The following CFAP46 variants were observed in gnomAD, a reference collection of about 807,000 sequenced individuals.
CFAP46 encodes cilia and flagella associated protein 46.
In CFAP46, 245 loss-of-function variants were observed where a neutral mutation model predicts 325.7. The ratio of observed to expected loss-of-function variants is 0.75; its 90% confidence interval spans 0.68 to 0.84. The LOEUF (loss-of-function observed/expected upper bound fraction) is 0.84, where lower values mean the gene tolerates loss of function less well. CFAP46 is among the 40% of genes least tolerant of loss of function. CFAP46 has a pLI of 0.00. For missense variants in CFAP46, 3,346 were observed against 3,543.0 expected (o/e 0.94, Z 1.41); for synonymous variants, 1,523 against 1,495.9 (o/e 1.02, Z -0.42).
At chr10:132,898,795 G>T in intron 24 of CFAP46, 164 bp downstream of exon 24, 2 of 922,998 alleles carry the variant, frequency 2.2e-6, no homozygotes, top group Non-Finnish European at 3.4e-6. Context: ...GCAGTGCTGG[G>T]ACTTGGAGAC....
intron 50 of CFAP46, among the ~76,000 whole-genome samples, chr10:132,831,497 C>T: frequency 6.6e-6 from 1 of 152,194 alleles, no homozygotes; most frequent in Non-Finnish European, 1.5e-5. Context: ...GAATGGCCCA[C>T]TGTAGCCCTG....
chr10:132,848,253 A>AT (rs1848474255), intron 41 of CFAP46, among the ~76,000 whole-genome samples: 1 of 152,192 alleles, frequency 6.6e-6, no homozygotes, highest in South Asian at 2.1e-4. Flanking sequence ...CAAACAAGAA[A>AT]TTGCAATGGA....
rs796822206 is a variant in CFAP46, at chr10:132,867,353, G to A, written c.4743+22C>T. ...GCGCCCGCTGGGCTGCGGGTCAGAG[G>A]GATTCTGGACGGTGAGGTTACCTTG... On this transcript the variant is annotated intron_variant, in intron 34 of 57. Transcript: ENST00000368586. 9 of 1,542,834 alleles carry A rather than the reference G, an allele frequency of 5.8e-6. No homozygotes were observed. The African/African-American group carries it at 9.6e-5, about 17-fold the overall frequency.
chr10:132,860,903 T>C lies in CFAP46; in HGVS notation c.4970A>G (p.Gln1657Arg). The stretch of plus-strand genomic sequence containing the variant: ...GGCCTGTGCGATCATTTTCTTGGCT[T>C]GTCCATAGTTTTTCTCCTTGTTGGC... Reference protein sequence around the residue: ...QLANKEKNYGQAKKMIAQAQH... With the variant: ...QLANKEKNYGRAKKMIAQAQH... The change falls in exon 36 of 58, where the codon CAA (glutamine) becomes CGA (arginine). Residue 1657 changes from glutamine (Q) to arginine (R), a missense_variant. Physicochemically the swap from Gln to Arg is conservative, Grantham distance 43. Coordinates refer to ENST00000368586, the MANE Select transcript of CFAP46 (RefSeq NM_001200049.3). 3.9e-6 allele frequency: 6 copies of C among 1,550,810 alleles called. No homozygotes were observed. The highest frequency in any genetic ancestry group is 5.2e-6 in the Non-Finnish European group (6 of 1,147,044).
Position 132,814,723 on chromosome 10 carries a change from G to T in CFAP46, c.7212C>A (p.Pro2404=). The T allele has an allele frequency of 6.2e-7, 1 of 1,613,276 alleles. No homozygotes were observed. Among genetic ancestry groups the T allele is most frequent in the Non-Finnish European group, 8.5e-7 (1 of 1,179,668 alleles). Residue 2404 remains proline (P), a synonymous_variant, in exon 52 of 58, where the codon CCC becomes CCA. Coordinates refer to ENST00000368586, the MANE Select transcript of CFAP46 (RefSeq NM_001200049.3). ...GRKGSIPRTI[P]PDCIIVDSDN... ...CTGAGTCGACTATGATGCAGTCAGG[G>T]GGGATGGTCCGGGGGATGCTGCCCT...
At chr10:132,860,321 C>G in intron 37 of CFAP46, 96 bp downstream of exon 37, 1 of 868,774 alleles carries the variant, frequency 1.2e-6, no homozygotes, top group Non-Finnish European at 1.8e-6. Flanking sequence ...GGTCTCTGAA[C>G]TTGCATAGAC....
rs964180854 is a variant in CFAP46 at position 132,876,640 on chromosome 10, T to C, written c.4362+172A>G. Among the ~76,000 whole-genome samples the C allele has an allele frequency of 2.6e-5, 4 of 152,176 alleles. No individual in the cohort carries two copies. Among genetic ancestry groups the C allele is most frequent in the African/African-American group, 9.7e-5 (4 of 41,428 alleles). On this transcript the variant is annotated intron_variant, in intron 31 of 57. Coordinates refer to ENST00000368586, the MANE Select transcript of CFAP46 (RefSeq NM_001200049.3). The surrounding 1 kb of genome is among the most constrained non-coding windows in gnomAD (Gnocchi z 4.1). ...GAAGGCTTTCCTAAGTGTCGGCAGT[T>C]GAGGGCAGACAGTGGTGCTGGGAGG... is the stretch of plus-strand genomic sequence containing the variant.
At chr10:132,898,742 T>C (rs1298538255) in intron 24 of CFAP46, 11 of 676,262 alleles carry the variant, frequency 1.6e-5, no homozygotes, top group South Asian at 1.6e-4. Context: ...TGTGTGTTGC[T>C]GGGAGAGGTC....
intron 50 of CFAP46, among the ~76,000 whole-genome samples, chr10:132,831,455 C>A (rs992969575): frequency 2.0e-5 from 3 of 152,104 alleles, no homozygotes; most frequent in Non-Finnish European, 2.9e-5. Flanking sequence ...GGTTTCACAT[C>A]CTCTTCATGA....
At chr10:132,814,544 G>A in intron 53 of CFAP46, 33 bp downstream of exon 53, 3 of 1,551,740 alleles carry the variant, frequency 1.9e-6, no homozygotes, top group Non-Finnish European at 1.7e-6. Flanking sequence ...AGGCTGGCGT[G>A]TGCCTGAACA....
At chr10:132,820,939 A>G (rs1389385805) in intron 50 of CFAP46, among the ~76,000 whole-genome samples, 1 of 67,038 alleles carries the variant, frequency 1.5e-5, no homozygotes, top group Admixed American at 2.4e-4. Flanking sequence ...GTGTGCGCTG[A>G]TGTGTGCTGT....
At chr10:132,916,459 G>T (rs1342305541) in intron 17 of CFAP46, 90 bp downstream of exon 17, 2 of 1,378,518 alleles carry the variant, frequency 1.5e-6, no homozygotes, top group South Asian at 1.5e-5. Context: ...CGAATGCAAA[G>T]GGTGTCCCTC....
intron 25 of CFAP46, among the ~76,000 whole-genome samples, chr10:132,887,334 C>A (rs1849158450): frequency 1.0e-5 from 1 of 97,520 alleles, no homozygotes; most frequent in African/African-American, 4.7e-5. Flanking sequence ...TCTCTCGCTT[C>A]TCTCTCTCCT....
At chr10:132,815,050 T>C (rs1591029215) in intron 50 of CFAP46, 136 bp from the exon 51 acceptor site, 1 of 814,730 alleles carries the variant, frequency 1.2e-6, no homozygotes, top group Non-Finnish European at 2.0e-6. Flanking sequence ...ACAAGCGGTT[T>C]TAATTTGTGT....
At position 132,832,668 on chromosome 10, in the gene CFAP46, C is replaced by T. The variant is rs952040685; in HGVS notation, c.7117+690G>A. On this transcript the variant is annotated intron_variant, in intron 50 of 57. Coordinates refer to ENST00000368586, the MANE Select transcript of CFAP46 (RefSeq NM_001200049.3). The surrounding 1 kb of genome is among the most constrained non-coding windows in gnomAD (Gnocchi z 4.1). ...CCGAAGTGCAGAAAACTGCACGTAC[C>T]GCAAGGGTAGCGCTCGGGGAAGCTT... 7 of 433,482 alleles carry T rather than the reference C, an allele frequency of 1.6e-5. No individual in the cohort carries two copies. Among genetic ancestry groups the T allele is most frequent in the Non-Finnish European group, 2.5e-5 (5 of 200,166 alleles). The allele number at this position is 433,482 out of a possible 1,614,324, so 26.9% of individuals were successfully genotyped here.
chr10:132,937,561 G>A lies in CFAP46; in HGVS notation c.651C>T (p.Phe217=). The A allele has an allele frequency of 1.2e-6, 2 of 1,613,486 alleles. No individual in the cohort carries two copies. The highest frequency in any genetic ancestry group is 1.7e-6 in the Non-Finnish European group (2 of 1,179,964). ...TAATACGCTGATTTACCATAACAGAGAATATCTGCCGGTATTTCTGTGGCA... is the reference window on the plus strand; with the variant it reads ...TAATACGCTGATTTACCATAACAGAAAATATCTGCCGGTATTTCTGTGGCA... ...SHVPQKYRQI[F]SVMVRHELMD... Residue 217 remains phenylalanine (F), a synonymous_variant, in exon 6 of 58, where the codon TTC becomes TTT. Transcript: ENST00000368586.
At position 132,880,847 on chromosome 10, in the gene CFAP46, C is replaced by A; in HGVS notation, c.3799+14G>T. The A allele has an allele frequency of 6.5e-7, 1 of 1,541,818 alleles. No homozygotes were observed. Among genetic ancestry groups the A allele is most frequent in the Non-Finnish European group, 8.7e-7 (1 of 1,145,032 alleles). ...CGGCGTGGGGTCGGCACCCTGCCAGCGGCGTGGGCTCACCATCCGGCGTGG... is the reference window on the plus strand; with the variant it reads ...CGGCGTGGGGTCGGCACCCTGCCAGAGGCGTGGGCTCACCATCCGGCGTGG... On this transcript the variant is annotated intron_variant, in intron 28 of 57. Transcript: ENST00000368586.
intron 45 of CFAP46, among the ~76,000 whole-genome samples, chr10:132,836,444 G>A (rs922834537): frequency 2.0e-5 from 3 of 152,166 alleles, no homozygotes; most frequent in Admixed American, 2.0e-4. Context: ...ACTTGGCCAC[G>A]GCCAGTGAGT....
At chr10:132,935,795 A>AGCC (rs148935373) in intron 7 of CFAP46, among the ~76,000 whole-genome samples, 1 of 77,652 alleles carries the variant, frequency 1.3e-5, no homozygotes, top group South Asian at 6.2e-4. Flanking sequence ...CACTCCCCTC[A>AGCC]CATCCAAACA....
Sources: allele counts gnomAD v4.1 joint callset (sites outside exome capture counted in the v4.1 genomes callset), GRCh38; gene constraint gnomAD v4.1.1; non-coding constraint Gnocchi (gnomAD v3.1); transcripts MANE v1.5; gene names NCBI Gene and HGNC (gene_info 2026-07-23, HGNC 2026-07-21).